The following NKAIN2 variants were observed in gnomAD, a reference collection of about 807,000 sequenced individuals.
The protein encoded by NKAIN2 is sodium/potassium-transporting ATPase subunit beta-1-interacting protein 2.
In NKAIN2, 14 loss-of-function variants were observed where a neutral mutation model predicts 32.6. The ratio of observed to expected loss-of-function variants is 0.43; its 90% CI spans 0.28 to 0.67. The LOEUF is 0.67. Ranked by LOEUF, NKAIN2 falls within the 30% of genes least tolerant of loss-of-function variation. The pLI is 0.17. For synonymous variants in NKAIN2, 80 were observed against 87.2 expected, an observed-to-expected ratio of 0.92 and a Z score of 0.46; for missense variants, 198 against 258.3, an observed-to-expected ratio of 0.77 and a Z score of 1.60.
intron 3 of NKAIN2, among the ~76,000 whole-genome samples, chr6:124,542,522 C>T (rs1397447445): frequency 1.3e-5 from 2 of 152,128 alleles, no homozygotes; most frequent in Non-Finnish European, 2.9e-5. Flanking sequence ...AAGACTAACT[C>T]AGATCTTCTG....
At position 123,845,754 on chromosome 6, in the gene NKAIN2, C is replaced by T. The variant is rs192206778; in HGVS notation, c.54+41500C>T. On this transcript the variant is annotated intron_variant, in intron 1 of 6. Transcript: ENST00000368417. ...AGGAGGTCCTGGAACTAATCCCCCA[C>T]GGATACTGAGTAATGACTGTATACC... 1.0e-3 allele frequency among the ~76,000 whole-genome samples: 155 copies of T among 152,246 alleles called. 2 individuals are homozygous for T. The highest frequency in any genetic ancestry group is 3.6e-3 in the African/African-American group (148 of 41,546).
chr6:124,578,228 T>C (rs1283721037), intron 3 of NKAIN2, among the ~76,000 whole-genome samples: 8 of 152,136 alleles, frequency 5.3e-5, no homozygotes, highest in African/African-American at 1.7e-4. Context: ...CCTTACCAGC[T>C]CTGTCACAGT....
At chr6:124,104,820 A>C (rs980524444) in intron 1 of NKAIN2, among the ~76,000 whole-genome samples, 10 of 152,286 alleles carry the variant, frequency 6.6e-5, no homozygotes, top group African/African-American at 2.4e-4. Context: ...GGTCACTGGC[A>C]TTTTTTCTAT....
rs550089071 is a variant in NKAIN2 at position 124,423,152 on chromosome 6, A to C, written c.273+67805A>C. 2.4e-4 allele frequency among the ~76,000 whole-genome samples: 37 copies of C among 152,320 alleles called. No homozygotes were observed. In the South Asian group the frequency reaches 7.3e-3, roughly 30 times the overall value. On this transcript the variant is annotated intron_variant, in intron 3 of 6. Transcript: ENST00000368417. ...CTGTGAGTTCTCAAAGTGATGTACCAGTGCTGGAAATTGAATTTTCTATTT... is the reference window on the plus strand; with the variant it reads ...CTGTGAGTTCTCAAAGTGATGTACCCGTGCTGGAAATTGAATTTTCTATTT...
intron 4 of NKAIN2, among the ~76,000 whole-genome samples, chr6:124,677,220 T>C (rs1443313622): frequency 2.0e-5 from 3 of 152,168 alleles, no homozygotes; most frequent in Non-Finnish European, 4.4e-5. Context: ...CCACCTGCCT[T>C]GGCCCTCCAA....
At chr6:124,823,109 TTTTG>T (rs765079589) in intron 6 of NKAIN2, 107 bp from the exon 7 acceptor site, 211 of 822,788 alleles carry the variant, frequency 2.6e-4, no homozygotes, top group Middle Eastern at 6.8e-4. Flanking sequence ...TGGGCTTCTT[TTTTG>T]TTTGTTTGTT....
chr6:124,552,024 T>C (rs1290765118), intron 3 of NKAIN2, among the ~76,000 whole-genome samples: 3 of 152,334 alleles, frequency 2.0e-5, no homozygotes, highest in South Asian at 2.1e-4. Flanking sequence ...CACAACAGCA[T>C]ACTGAACAGA....
At chr6:124,759,629 ACACACACACACACACACACACACACAC>A (rs1174551935) in intron 4 of NKAIN2, among the ~76,000 whole-genome samples, 3 of 134,102 alleles carry the variant, frequency 2.2e-5, no homozygotes, top group African/African-American at 8.5e-5. Flanking sequence ...ACACACACAC[ACACACACACACACACACACACACACAC>A]CCCCTATCTC....
chr6:124,585,277 A>T (rs563443035), intron 3 of NKAIN2, among the ~76,000 whole-genome samples: 1 of 152,168 alleles, frequency 6.6e-6, no homozygotes, highest in Admixed American at 6.5e-5. Context: ...ACTCATGGGG[A>T]TAGAGAGTAG....
chr6:124,432,839 C>T (rs1273003234), intron 3 of NKAIN2, among the ~76,000 whole-genome samples: 10 of 151,930 alleles, frequency 6.6e-5, no homozygotes, highest in Admixed American at 5.9e-4. Flanking sequence ...CTGCTTCTTC[C>T]CCCACAGTCA....
chr6:124,116,191 A>G (rs1785599781), intron 1 of NKAIN2, among the ~76,000 whole-genome samples: 1 of 152,108 alleles, frequency 6.6e-6, no homozygotes, highest in Non-Finnish European at 1.5e-5. Flanking sequence ...TAGTAACAAA[A>G]TTAAGTCTAC....
At chr6:124,119,564 A>T (rs546878160) in intron 1 of NKAIN2, among the ~76,000 whole-genome samples, 24 of 152,330 alleles carry the variant, frequency 1.6e-4, no homozygotes, top group African/African-American at 5.5e-4. Flanking sequence ...AAACTCTTGC[A>T]TATGGGACTG....
intron 4 of NKAIN2, among the ~76,000 whole-genome samples, chr6:124,782,910 A>G (rs1371111565): frequency 6.6e-6 from 1 of 152,142 alleles, no homozygotes; most frequent in Non-Finnish European, 1.5e-5. Context: ...TATTATTGAT[A>G]GTTGCTTTTT....
intron 3 of NKAIN2, among the ~76,000 whole-genome samples, chr6:124,614,225 C>T (rs1782797951): frequency 1.3e-5 from 2 of 152,162 alleles, no homozygotes; most frequent in South Asian, 4.1e-4. Context: ...GAAGCCCCAT[C>T]TCTACTAAAA....
chr6:124,005,799 T>G (rs1334140156), intron 1 of NKAIN2, among the ~76,000 whole-genome samples: 2 of 152,140 alleles, frequency 1.3e-5, no homozygotes, highest in East Asian at 3.9e-4. Context: ...TCAGAGCTGG[T>G]TTTTGCTACT....
intron 3 of NKAIN2, among the ~76,000 whole-genome samples, chr6:124,569,742 G>A (rs1319288525): frequency 1.3e-5 from 2 of 152,114 alleles, no homozygotes; most frequent in Admixed American, 6.6e-5. Context: ...CCCAGTATCA[G>A]GTATGTCTTT....
chr6:124,743,844 G>A (rs930471275), intron 4 of NKAIN2, among the ~76,000 whole-genome samples: 3 of 151,676 alleles, frequency 2.0e-5, no homozygotes, highest in African/African-American at 7.3e-5. Flanking sequence ...AGAGAAAATC[G>A]GGGTCAAGAG....
intron 4 of NKAIN2, among the ~76,000 whole-genome samples, chr6:124,680,259 G>A (rs1773552496): frequency 6.6e-6 from 1 of 152,078 alleles, no homozygotes; most frequent in Non-Finnish European, 1.5e-5. Flanking sequence ...AAGATTTACT[G>A]CAGACCTCCT....
At chr6:124,540,965 T>C (rs945598273) in intron 3 of NKAIN2, among the ~76,000 whole-genome samples, 2 of 152,162 alleles carry the variant, frequency 1.3e-5, no homozygotes, top group Non-Finnish European at 2.9e-5. Flanking sequence ...TTTCAACTTA[T>C]CATGGGCTTA....
Sources: gnomAD v4.1 joint callset for allele counts (sites outside exome capture counted in the v4.1 genomes callset) on GRCh38, gnomAD v4.1.1 for gene constraint, MANE v1.5 for transcripts, NCBI Gene and HGNC (gene_info 2026-07-23, HGNC 2026-07-21) for gene names.